Variants in FILIP1L observed in about 807,000 individuals in gnomAD.
FILIP1L encodes filamin A interacting protein 1 like, also known as filamin A-interacting protein 1-like.
FILIP1L carries 55 observed loss-of-function variants against 96.6 expected under a neutral mutation model. The ratio of observed to expected loss-of-function variants is 0.57; its 90% CI spans 0.46 to 0.71. The LOEUF is 0.71. FILIP1L is among the 30% of genes least tolerant of loss of function. FILIP1L has a pLI of 0.00. For synonymous variants in FILIP1L, 467 were observed against 473.9 expected (o/e 0.99, Z 0.19); for missense variants, 1,304 against 1,321.2 (o/e 0.99, Z 0.20).
chr3:99,931,226 C>T lies in FILIP1L; in HGVS notation c.-10-196G>A, dbSNP rs374843287. On this transcript the variant is annotated intron_variant, in intron 1 of 5. Transcript: ENST00000477258. ...CTTATTTGCACTTCTGCTTTTAAAG[C>T]AAACATTTAAAAAAAGGTGTTCTGT... 6.4e-4 allele frequency among the ~76,000 whole-genome samples: 98 copies of T among 152,108 alleles called. 1 individual carries two copies. The South Asian group carries it at 0.02, about 31-fold the overall frequency.
chr3:100,024,575 A>G (rs986347566), intron 1 of FILIP1L, among the ~76,000 whole-genome samples: 2 of 152,180 alleles, frequency 1.3e-5, no homozygotes, highest in Admixed American at 1.3e-4. Context: ...TTTACATCAT[A>G]TTAAATTATG....
chr3:100,026,719 C>T (rs987278991), intron 1 of FILIP1L, among the ~76,000 whole-genome samples: 9 of 152,124 alleles, frequency 5.9e-5, no homozygotes, highest in East Asian at 1.9e-4. Flanking sequence ...TCACTTCTTA[C>T]GGATTTCTGT....
intron 1 of FILIP1L, among the ~76,000 whole-genome samples, chr3:99,980,279 C>T (rs1413042514): frequency 6.6e-6 from 1 of 152,110 alleles, no homozygotes; most frequent in Non-Finnish European, 1.5e-5. Context: ...ACCTCTGTGA[C>T]TTTGGACAAG....
chr3:100,003,941 A>T (rs1709915004), intron 1 of FILIP1L, among the ~76,000 whole-genome samples: 1 of 152,220 alleles, frequency 6.6e-6, no homozygotes, highest in Non-Finnish European at 1.5e-5. Flanking sequence ...CTCAGGTTGT[A>T]TTCAATGAGT....
rs1707216655 is a variant in FILIP1L, at chr3:99,924,266, T to A, written c.569A>T (p.Asp190Val). The A allele has an allele frequency of 1.2e-6, 2 of 1,613,946 alleles. No individual in the cohort carries two copies. Among genetic ancestry groups the A allele is most frequent in the African/African-American group, 2.7e-5 (2 of 74,936 alleles). Residue 190 changes from aspartate to valine, a missense_variant, in exon 4 of 6, where the codon GAT becomes GTT. Coordinates refer to ENST00000477258, the MANE Select transcript of FILIP1L (RefSeq NM_001387850.1). ...RKHKEYMEKSDEFICLLEQEC... is the reference protein window; with the variant it reads ...RKHKEYMEKSVEFICLLEQEC... ...CTGTTCTAGTAGGCATATGAATTCA[T>A]CACTCTTCTCCATGTATTCTTTATG...
At chr3:99,990,700 A>G (rs1709485925) in intron 1 of FILIP1L, among the ~76,000 whole-genome samples, 1 of 152,204 alleles carries the variant, frequency 6.6e-6, no homozygotes, top group Non-Finnish European at 1.5e-5. Flanking sequence ...ATATGCAGCC[A>G]GAGTTGAAAA....
At chr3:99,987,057 C>G (rs1253367627) in intron 1 of FILIP1L, among the ~76,000 whole-genome samples, 25 of 150,902 alleles carry the variant, frequency 1.7e-4, no homozygotes. Flanking sequence ...AGTGACACCC[C>G]ATCACTACAA....
At chr3:99,853,062 T>C (rs1283129253) in intron 4 of FILIP1L, among the ~76,000 whole-genome samples, 1 of 152,208 alleles carries the variant, frequency 6.6e-6, no homozygotes, top group African/African-American at 2.4e-5. Context: ...CCATGGTTTC[T>C]GGCCATGCCC....
At chr3:100,011,217 A>G (rs984573737) in intron 1 of FILIP1L, among the ~76,000 whole-genome samples, 1 of 152,148 alleles carries the variant, frequency 6.6e-6, no homozygotes, top group Non-Finnish European at 1.5e-5. Context: ...CACTTTCTGT[A>G]AAAGTGAGGT....
At chr3:100,031,701 CG>C (rs2065025126) in intron 1 of FILIP1L, among the ~76,000 whole-genome samples, 1 of 151,996 alleles carries the variant, frequency 6.6e-6, no homozygotes, top group Admixed American at 6.6e-5. Flanking sequence ...TGAGGATCTA[CG>C]ACAAGAAGGC....
At chr3:99,986,283 T>G (rs1219867299) in intron 1 of FILIP1L, among the ~76,000 whole-genome samples, 1 of 152,214 alleles carries the variant, frequency 6.6e-6, no homozygotes, top group African/African-American at 2.4e-5. Context: ...CAGGAACAGG[T>G]GTTTTTTCAT....
chr3:99,921,374 A>G (rs1262368013), intron 4 of FILIP1L, among the ~76,000 whole-genome samples: 2 of 152,206 alleles, frequency 1.3e-5, no homozygotes, highest in African/African-American at 2.4e-5. Context: ...TAAAGCAGAT[A>G]GAAGTCAGTT....
chr3:100,016,684 A>G (rs187826830), intron 1 of FILIP1L, among the ~76,000 whole-genome samples: 40 of 152,370 alleles, frequency 2.6e-4, no homozygotes, highest in African/African-American at 9.1e-4. Flanking sequence ...AGTCCATGCA[A>G]TTCATAAACT....
intron 1 of FILIP1L, among the ~76,000 whole-genome samples, chr3:100,091,973 T>C (rs1163574530): frequency 2.6e-5 from 4 of 152,240 alleles, no homozygotes; most frequent in Non-Finnish European, 5.9e-5. Context: ...CTTTACCAGC[T>C]ATCTGTCCTA....
At chr3:99,926,412 A>G (rs981778595) in intron 3 of FILIP1L, among the ~76,000 whole-genome samples, 1 of 152,238 alleles carries the variant, frequency 6.6e-6, no homozygotes, top group African/African-American at 2.4e-5. Flanking sequence ...GTTGATTGTC[A>G]TGGAAGTGTG....
chr3:100,033,062 C>CA (rs879385600), intron 1 of FILIP1L, among the ~76,000 whole-genome samples: 71 of 118,960 alleles, frequency 6.0e-4, no homozygotes, highest in African/African-American at 8.4e-4. Context: ...ACATGGTAAC[C>CA]AAAAAAAAAA....
chr3:99,979,042 G>A (rs1233719251), intron 1 of FILIP1L, among the ~76,000 whole-genome samples: 1 of 152,122 alleles, frequency 6.6e-6, no homozygotes, highest in Non-Finnish European at 1.5e-5. Flanking sequence ...GGCGACTAGA[G>A]GGTGTAGTTA....
At chr3:99,869,777 A>G (rs1168793554) in intron 4 of FILIP1L, among the ~76,000 whole-genome samples, 1 of 152,236 alleles carries the variant, frequency 6.6e-6, no homozygotes, top group Non-Finnish European at 1.5e-5. Context: ...CACATAAAAA[A>G]GCATTTTAAA....
chr3:99,857,755 GTAAA>G (rs1944039902), intron 4 of FILIP1L, among the ~76,000 whole-genome samples: 1 of 152,200 alleles, frequency 6.6e-6, no homozygotes, highest in Admixed American at 6.5e-5. Flanking sequence ...AAATCAGCCT[GTAAA>G]TAGAGAATAA....
Sources: allele counts gnomAD v4.1 joint callset (sites outside exome capture counted in the v4.1 genomes callset), GRCh38; gene constraint gnomAD v4.1.1; transcripts MANE v1.5; gene names NCBI Gene and HGNC (gene_info 2026-07-23, HGNC 2026-07-21).